The following FAM118B variants were observed in gnomAD, a reference collection of about 807,000 sequenced individuals.
FAM118B encodes SIR2 antiphage like 1, also known as protein FAM118B.
In FAM118B, 24 loss-of-function variants were observed where a neutral mutation model predicts 38.5. The ratio of observed to expected loss-of-function variants is 0.62; its 90% CI spans 0.45 to 0.88. The LOEUF is 0.88. Ranked by LOEUF, FAM118B falls within the 40% of genes least tolerant of loss-of-function variation. The pLI is 0.00. For synonymous variants in FAM118B, 138 were observed against 156.3 expected (o/e 0.88, Z 0.87); for missense variants, 334 against 420.0 (o/e 0.80, Z 1.79).
At chr11:126,242,680 A>G (rs11220417) in intron 4 of FAM118B, among the ~76,000 whole-genome samples, 17,874 of 152,250 alleles carry the variant, frequency 0.12, 1,103 homozygotes, top group South Asian at 0.14. Flanking sequence ...CAAAACCACA[A>G]CAAGGTGCCA....
At chr11:126,238,947 A>G (rs1591515442) in intron 3 of FAM118B, among the ~76,000 whole-genome samples, 1 of 151,100 alleles carries the variant, frequency 6.6e-6, no homozygotes, top group Non-Finnish European at 1.5e-5. Context: ...CACAATTGTT[A>G]AATGTTTTAT....
At chr11:126,249,536 G>C (rs1328663340) in intron 4 of FAM118B, among the ~76,000 whole-genome samples, 3 of 151,926 alleles carry the variant, frequency 2.0e-5, no homozygotes, top group Non-Finnish European at 4.4e-5. Flanking sequence ...TTCAAGACCA[G>C]CCTGGCCAAG....
intron 1 of FAM118B, among the ~76,000 whole-genome samples, chr11:126,227,615 G>A (rs1950159625): frequency 1.3e-5 from 2 of 151,950 alleles, no homozygotes; most frequent in African/African-American, 4.8e-5. Flanking sequence ...ACTGTAACAC[G>A]AATCTACTTC....
At chr11:126,254,208 C>T (rs1400043351) in intron 5 of FAM118B, 97 bp from the exon 6 acceptor site, 7 of 1,420,272 alleles carry the variant, frequency 4.9e-6, no homozygotes, top group Middle Eastern at 4.2e-4. Flanking sequence ...GAGTTTATGT[C>T]AGAAGTCTAG....
chr11:126,234,946 G>C, intron 2 of FAM118B, 49 bp from the exon 3 acceptor site: 1 of 1,437,038 alleles, frequency 7.0e-7, no homozygotes, highest in East Asian at 2.3e-5. Context: ...ATTTTGAATA[G>C]TATACTTTAC....
intron 1 of FAM118B, among the ~76,000 whole-genome samples, chr11:126,225,541 C>T (rs981441544): frequency 2.6e-5 from 4 of 152,148 alleles, no homozygotes; most frequent in Admixed American, 6.5e-5. Context: ...TAATCCTTTC[C>T]CATGTTGTTT....
At chr11:126,233,303 C>A (rs1294106242) in intron 2 of FAM118B, among the ~76,000 whole-genome samples, 1 of 152,088 alleles carries the variant, frequency 6.6e-6, no homozygotes, top group Non-Finnish European at 1.5e-5. Flanking sequence ...TGAAGAAATT[C>A]TGTCTCTACT....
intron 3 of FAM118B, among the ~76,000 whole-genome samples, chr11:126,235,558 G>A (rs540488793): frequency 7.0e-4 from 106 of 151,896 alleles, no homozygotes; most frequent in African/African-American, 2.4e-3. Flanking sequence ...TTGCTGTGTC[G>A]CCCAAGCTGG....
chr11:126,235,631 G>A (rs532242821), intron 3 of FAM118B, among the ~76,000 whole-genome samples: 1 of 152,184 alleles, frequency 6.6e-6, no homozygotes, highest in South Asian at 2.1e-4. Context: ...AAATTCTCCT[G>A]CCTCAGCCTC....
chr11:126,212,153 C>T (rs1436437093), intron 1 of FAM118B, among the ~76,000 whole-genome samples: 2 of 152,214 alleles, frequency 1.3e-5, no homozygotes, highest in African/African-American at 4.8e-5. Context: ...AGTCTCTCCA[C>T]CCTTCATCTT....
rs1405091158 is a variant in FAM118B, at chr11:126,252,394, A to T, written c.567+1661A>T. On this transcript the variant is annotated intron_variant, in intron 5 of 8. Transcript: ENST00000533050. The surrounding 1 kb of genome is among the most constrained non-coding windows in gnomAD (Gnocchi z 4.7). ...AGTCTTTCTTACCCTCATAACTCAA[A>T]TACAACCCTCATGTCTCAAATATGA... Among the ~76,000 whole-genome samples, 1 of 152,170 alleles carries T rather than the reference A, an allele frequency of 6.6e-6. No homozygotes were observed. The highest frequency in any genetic ancestry group is 1.5e-5 in the Non-Finnish European group (1 of 68,014).
chr11:126,227,552 T>A (rs1439461925), intron 1 of FAM118B, among the ~76,000 whole-genome samples: 3 of 152,200 alleles, frequency 2.0e-5, no homozygotes, highest in Admixed American at 6.5e-5. Flanking sequence ...GAGTGACTTT[T>A]TTGTACCTCT....
chr11:126,230,486 A>G (rs1175194904), intron 2 of FAM118B, among the ~76,000 whole-genome samples: 1 of 152,212 alleles, frequency 6.6e-6, no homozygotes, highest in African/African-American at 2.4e-5. Context: ...AGAGAAATAA[A>G]CCATTCTTTA....
intron 3 of FAM118B, among the ~76,000 whole-genome samples, chr11:126,236,521 A>G (rs1190135804): frequency 6.6e-6 from 1 of 152,080 alleles, no homozygotes; most frequent in African/African-American, 2.4e-5. Flanking sequence ...TATAAGGATC[A>G]TTATTTTATT....
chr11:126,223,323 G>A (rs925273568), intron 1 of FAM118B, among the ~76,000 whole-genome samples: 5 of 152,142 alleles, frequency 3.3e-5, no homozygotes, highest in Admixed American at 6.5e-5. Flanking sequence ...TGCTGGGGCC[G>A]GGTGTGGTGG....
chr11:126,249,746 A>AG (rs1308316632), intron 4 of FAM118B, among the ~76,000 whole-genome samples: 2 of 150,216 alleles, frequency 1.3e-5, no homozygotes, highest in East Asian at 2.0e-4. Context: ...AAAAAAAAAA[A>AG]AAAAAAAAGA....
At chr11:126,234,492 T>C (rs1950246206) in intron 2 of FAM118B, among the ~76,000 whole-genome samples, 1 of 152,234 alleles carries the variant, frequency 6.6e-6, no homozygotes, top group Non-Finnish European at 1.5e-5. Context: ...GTCACCATCG[T>C]CCAACAACAG....
intron 4 of FAM118B, among the ~76,000 whole-genome samples, chr11:126,242,462 A>T (rs1341796566): frequency 1.3e-5 from 2 of 152,220 alleles, no homozygotes; most frequent in African/African-American, 2.4e-5. Flanking sequence ...CAGCTTCCAG[A>T]ATGAGAAAAT....
At chr11:126,249,731 C>CAAAAAAAAAAAAAAAAAAAAAAAAAAAA (rs71048775) in intron 4 of FAM118B, among the ~76,000 whole-genome samples, 1 of 79,014 alleles carries the variant, frequency 1.3e-5, no homozygotes, top group Non-Finnish European at 2.3e-5. Context: ...GACTCCGTCT[C>CAAAAAAAAAAAAAAAAAAAAAAAAAAAA]AAAAAAAAAA....
Sources: allele counts gnomAD v4.1 joint callset (sites outside exome capture counted in the v4.1 genomes callset), GRCh38; gene constraint gnomAD v4.1.1; non-coding constraint Gnocchi (gnomAD v3.1); transcripts MANE v1.5; gene names NCBI Gene and HGNC (gene_info 2026-07-23, HGNC 2026-07-21).